The following MYT1 variants were observed in gnomAD, a reference collection of about 807,000 sequenced individuals.
MYT1 encodes myelin transcription factor 1.
MYT1 carries 23 observed loss-of-function variants against 123.0 expected under a neutral mutation model. The observed-to-expected ratio is 0.19, with a 90% CI of 0.13 to 0.26. The LOEUF is 0.26. Among genes scored for constraint, MYT1 ranks in the 10% least tolerant of loss-of-function variants. The pLI is 1.00. For synonymous variants in MYT1, 518 were observed against 575.3 expected, an observed-to-expected ratio of 0.90 and a Z score of 1.43; for missense variants, 1,125 against 1,472.5, an observed-to-expected ratio of 0.76 and a Z score of 3.86.
Position 64,207,130 on chromosome 20 carries a change from C to T in MYT1, c.398-464C>T, listed in dbSNP as rs960346059. Among the ~76,000 whole-genome samples, 41 of 152,250 alleles carry T rather than the reference C, an allele frequency of 2.7e-4. 1 individual carries two copies. The highest frequency in any genetic ancestry group is 7.9e-4 in the African/African-American group (33 of 41,552). ...AACTCGTGACCTCAGGTGATCCGCC[C>T]GCCTCGGCCTCCCAAAGTCCTGGGA... On this transcript the variant is annotated intron_variant, in intron 6 of 22. Coordinates refer to ENST00000328439, the MANE Select transcript of MYT1 (RefSeq NM_004535.3).
rs1006994351 is a variant in MYT1, at chr20:64,185,110, G to T, written c.-98-4953G>T. 6.6e-6 allele frequency among the ~76,000 whole-genome samples: 1 copy of T among 152,182 alleles called. No individual in the cohort carries two copies. The highest frequency in any genetic ancestry group is 1.5e-5 in the Non-Finnish European group (1 of 68,028). On this transcript the variant is annotated intron_variant, in intron 1 of 22. Coordinates refer to ENST00000328439, the MANE Select transcript of MYT1 (RefSeq NM_004535.3). The surrounding 1 kb of genome is among the most constrained non-coding windows in gnomAD (Gnocchi z 4.5). ...GAGATGGAGAGGGGGCTGGGCAGGG[G>T]CGTGAGGTCCAAAGAGACTGTGTTT...
chr20:64,241,470 A>G lies in MYT1; in HGVS notation c.*1022A>G, dbSNP rs1226713500. The G allele has an allele frequency of 6.6e-6, 1 of 152,626 alleles. No homozygotes were observed. The highest frequency in any genetic ancestry group is 2.4e-5 in the African/African-American group (1 of 41,470). The allele number at this position is 152,626 out of a possible 1,614,324, so 9.5% of individuals were successfully genotyped here. ...AGAATCCAAGTCAATTGTGACTGCA[A>G]TTCCAAGTTAGTATTTAAAAATAGA... On this transcript the variant is annotated 3_prime_UTR_variant, in exon 23 of 23. Transcript: ENST00000328439. This position sits in a 1 kb window ranked among gnomAD's most constrained non-coding sequence, Gnocchi z 4.2.
chr20:64,195,413 T>TTTTTTTTTTA (rs1983087283), intron 2 of MYT1, among the ~76,000 whole-genome samples: 3 of 143,560 alleles, frequency 2.1e-5, no homozygotes, highest in Admixed American at 7.1e-5. Flanking sequence ...TTTTTTTTTT[T>TTTTTTTTTTA]GAGACGGAGT....
At chr20:64,234,754 G>A (rs1309572667) in intron 19 of MYT1, among the ~76,000 whole-genome samples, 1 of 139,006 alleles carries the variant, frequency 7.2e-6, no homozygotes, top group Non-Finnish European at 1.6e-5. Flanking sequence ...TATGTGACCC[G>A]GGGCTGGCCG....
At chr20:64,195,671 C>T (rs1365503743) in intron 2 of MYT1, among the ~76,000 whole-genome samples, 6 of 152,136 alleles carry the variant, frequency 3.9e-5, no homozygotes, top group Admixed American at 3.9e-4. Context: ...GCTGGGATTA[C>T]AGACGTGAGC....
rs748649577 is a variant in MYT1, at chr20:64,232,228, G to A, written c.2740G>A (p.Ala914Thr). ...ISGKYASHRS[A>T]SGCPLAARRQ... ...CGGGAAATACGCCTCTCACAGGAGC[G>A]CATCCGGCTGCCCACTGGCCGCCCG... Residue 914 changes from alanine (A) to threonine (T), a missense_variant, in exon 19 of 23, where the codon GCA becomes ACA. Transcript: ENST00000328439. This position sits in a 1 kb window ranked among gnomAD's most constrained non-coding sequence, Gnocchi z 6.9. 9 of 1,613,026 alleles carry A rather than the reference G, an allele frequency of 5.6e-6. No homozygotes were observed. Among genetic ancestry groups the A allele is most frequent in the East Asian group, 2.2e-5 (1 of 44,890 alleles).
In MYT1 at chr20:64,208,210, T is replaced by C. The variant is rs771361476; in HGVS notation, c.1014T>C (p.Pro338=). 1.2e-6 allele frequency: 2 copies of C among 1,613,866 alleles called. No individual in the cohort carries two copies. The highest frequency in any genetic ancestry group is 1.7e-6 in the Non-Finnish European group (2 of 1,180,034). Reference sequence around the variant, plus strand: ...GCCCAGAATCACCCAGTCCCAAGCCTGAGTACTCTGTTATTGTGGAGGTCC... The same window carrying C: ...GCCCAGAATCACCCAGTCCCAAGCCCGAGTACTCTGTTATTGTGGAGGTCC... ...LRGPESPSPK[P]EYSVIVEVRS... is the part of the protein sequence containing the mutation. Residue 338 remains proline, a synonymous_variant, in exon 7 of 23, where the codon CCT becomes CCC. Coordinates refer to ENST00000328439, the MANE Select transcript of MYT1 (RefSeq NM_004535.3). This position sits in a 1 kb window ranked among gnomAD's most constrained non-coding sequence, Gnocchi z 5.4.
At chr20:64,229,066 G>A (rs1984251666) in intron 18 of MYT1, among the ~76,000 whole-genome samples, 1 of 152,232 alleles carries the variant, frequency 6.6e-6, no homozygotes, top group African/African-American at 2.4e-5. Context: ...GAGCCTAATT[G>A]ACCAACATCA....
At chr20:64,237,245 C>T (rs765826153) in intron 20 of MYT1, 42 bp from the exon 21 acceptor site, 6 of 1,559,146 alleles carry the variant, frequency 3.8e-6, no homozygotes, top group Non-Finnish European at 5.3e-6. Flanking sequence ...CCCAGGCCTG[C>T]CTGAGGCCCA....
rs1324954048 is a variant in MYT1 at position 64,211,153 on chromosome 20, T to G, written c.1292-53T>G. The stretch of plus-strand genomic sequence containing the variant: ...GTTCCTGAGCTACCCCTGCCCCCTC[T>G]CTGCTCACCACCCAGCTTCCTGGCT... On this transcript the variant is annotated intron_variant, in intron 7 of 22. Coordinates refer to ENST00000328439, the MANE Select transcript of MYT1 (RefSeq NM_004535.3). The G allele has an allele frequency of 3.2e-6, 5 of 1,578,486 alleles. No individual in the cohort carries two copies. In the Admixed American group the frequency reaches 8.6e-5, roughly 27 times the overall value.
At chr20:64,195,622 C>G (rs952235475) in intron 2 of MYT1, among the ~76,000 whole-genome samples, 20 of 151,782 alleles carry the variant, frequency 1.3e-4, no homozygotes, top group African/African-American at 4.8e-4. Flanking sequence ...TCATGAACTC[C>G]TGACCTCAAG....
intron 13 of MYT1, 43 bp from the exon 14 acceptor site, chr20:64,221,850 C>T: frequency 3.7e-6 from 6 of 1,604,112 alleles, no homozygotes; most frequent in Non-Finnish European, 5.1e-6. Flanking sequence ...GCCCAGGCCT[C>T]CCCGCCAGCC....
intron 18 of MYT1, among the ~76,000 whole-genome samples, chr20:64,228,714 G>A (rs1435481563): frequency 6.6e-6 from 1 of 152,192 alleles, no homozygotes; most frequent in Non-Finnish European, 1.5e-5. Context: ...TAGGTGGGGG[G>A]AATGCTTTGC....
At chr20:64,223,395 C>A in intron 16 of MYT1, 36 bp downstream of exon 16, 1 of 1,609,608 alleles carries the variant, frequency 6.2e-7, no homozygotes, top group East Asian at 2.2e-5. Flanking sequence ...GTCTCTTGGG[C>A]GGCACCCTCG....
At chr20:64,236,332 C>A (rs187418093) in intron 19 of MYT1, among the ~76,000 whole-genome samples, 4,552 of 119,222 alleles carry the variant, frequency 0.038, 163 homozygotes, top group East Asian at 0.29. Context: ...TGACCCTGGG[C>A]TGGCCGCGGT....
At chr20:64,235,641 C>T (rs1453757799) in intron 19 of MYT1, among the ~76,000 whole-genome samples, 35 of 131,196 alleles carry the variant, frequency 2.7e-4, no homozygotes, top group African/African-American at 8.3e-4. Context: ...CTGGGCTGGC[C>T]GTGGTGGGTG....
intron 1 of MYT1, among the ~76,000 whole-genome samples, chr20:64,183,035 CG>C (rs1226094577): frequency 6.6e-6 from 1 of 152,210 alleles, no homozygotes; most frequent in Non-Finnish European, 1.5e-5. Flanking sequence ...CGTTCACAGT[CG>C]TTCTCCATTT....
Position 64,193,204 on chromosome 20 carries a change from G to A in MYT1, c.-1+3044G>A, listed in dbSNP as rs1983013433. ...AGGAACCAAGGGTACTGTGATGGCT[G>A]CCAGTGGGGATCAGGGGTGAGGGCA... On this transcript the variant is annotated intron_variant, in intron 2 of 22. Coordinates refer to ENST00000328439, the MANE Select transcript of MYT1 (RefSeq NM_004535.3). This position sits in a 1 kb window ranked among gnomAD's most constrained non-coding sequence, Gnocchi z 4.0. Among the ~76,000 whole-genome samples, 1 of 152,222 alleles carries A rather than the reference G, an allele frequency of 6.6e-6. No homozygotes were observed. Among genetic ancestry groups the A allele is most frequent in the African/African-American group, 2.4e-5 (1 of 41,464 alleles).
chr20:64,185,412 C>T lies in MYT1; in HGVS notation c.-98-4651C>T, dbSNP rs573195141. 4.8e-4 allele frequency among the ~76,000 whole-genome samples: 73 copies of T among 152,314 alleles called. No individual in the cohort carries two copies. In the South Asian group the frequency reaches 0.011, roughly 24 times the overall value. On this transcript the variant is annotated intron_variant, in intron 1 of 22. Transcript: ENST00000328439. The surrounding 1 kb of genome is among the most constrained non-coding windows in gnomAD (Gnocchi z 4.5). Reference sequence around the variant, plus strand: ...CTCTTTGCTGAGGGGCAGGTGGTAACAGCTCCTGGCCCCAAAGGCAGCCCT... The same window carrying T: ...CTCTTTGCTGAGGGGCAGGTGGTAATAGCTCCTGGCCCCAAAGGCAGCCCT...
Sources: gnomAD v4.1 joint callset for allele counts (sites outside exome capture counted in the v4.1 genomes callset) on GRCh38, gnomAD v4.1.1 for gene constraint, Gnocchi (gnomAD v3.1) non-coding constraint, MANE v1.5 for transcripts, NCBI Gene and HGNC (gene_info 2026-07-23, HGNC 2026-07-21) for gene names.